The following ZC3H14 variants were observed in gnomAD, a reference collection of about 807,000 sequenced individuals.
The protein encoded by ZC3H14 is zinc finger CCCH domain-containing protein 14.
Under a neutral mutation model 92.4 loss-of-function variants are expected in ZC3H14, and 31 were observed. That is an observed-to-expected ratio of 0.34 (90% CI 0.25 to 0.45). ZC3H14 has a LOEUF of 0.45. ZC3H14 is among the 20% of genes least tolerant of loss of function. ZC3H14 has a pLI of 1.00. For missense variants in ZC3H14, 781 were observed against 897.3 expected (o/e 0.87, Z 1.66); for synonymous variants, 321 against 300.9 (o/e 1.07, Z -0.69).
rs2088102712 is a variant in ZC3H14 at position 88,618,330 on chromosome 14, A to C, written c.*6579A>C. 1 of 1,613,176 alleles carries C rather than the reference A, an allele frequency of 6.2e-7. No individual in the cohort carries two copies. Among genetic ancestry groups the C allele is most frequent in the Non-Finnish European group, 8.5e-7 (1 of 1,179,598 alleles). ...ATGCCGTTTATAGCAGCCACTAGAGACCTTTTTCATCAGATTAAAATGGGA... is the reference window on the plus strand; with the variant it reads ...ATGCCGTTTATAGCAGCCACTAGAGCCCTTTTTCATCAGATTAAAATGGGA... On this transcript the variant is annotated 3_prime_UTR_variant, in exon 17 of 17. Transcript: ENST00000251038.
In ZC3H14 at chr14:88,574,038, A is replaced by G. The variant is rs370531321; in HGVS notation, c.862-655A>G. On this transcript the variant is annotated intron_variant, in intron 6 of 16. Coordinates refer to ENST00000251038, the MANE Select transcript of ZC3H14 (RefSeq NM_024824.5). Reference sequence around the variant, plus strand: ...TGTATACCTTTTTGGGATTTCCAGCATTTGAGATATTAATCTTAAATTAAT... The same window carrying G: ...TGTATACCTTTTTGGGATTTCCAGCGTTTGAGATATTAATCTTAAATTAAT... 4.6e-5 allele frequency among the ~76,000 whole-genome samples: 7 copies of G among 152,240 alleles called. No individual in the cohort carries two copies. The South Asian group carries it at 1.0e-3, about 23-fold the overall frequency.
In ZC3H14 at chr14:88,563,454, A is replaced by G. The variant is rs2079131541; in HGVS notation, c.37-197A>G. 3 of 1,410,242 alleles carry G rather than the reference A, an allele frequency of 2.1e-6. 1 individual carries two copies. In the Admixed American group the frequency reaches 9.0e-5, roughly 43 times the overall value. 87.4% of individuals were successfully genotyped at this position (1,410,242 alleles called of 1,614,324 possible). On this transcript the variant is annotated intron_variant, in intron 1 of 16. Coordinates refer to ENST00000251038, the MANE Select transcript of ZC3H14 (RefSeq NM_024824.5). The stretch of plus-strand genomic sequence containing the variant: ...GGCGCCGCTTTGGATCCGCTGCGGG[A>G]GGTGGGCGCCGCGGGGCTGGGGCTG...
At chr14:88,589,477 C>T (rs2082845844) in intron 9 of ZC3H14, 1 of 152,148 alleles carries the variant, frequency 6.6e-6, no homozygotes, top group Admixed American at 6.6e-5. Context: ...CACTGTGACT[C>T]TCACATTTTT....
rs2087952443 is a variant in ZC3H14, at chr14:88,617,747, G to A, written c.*5996G>A. On this transcript the variant is annotated 3_prime_UTR_variant, in exon 17 of 17. Transcript: ENST00000251038. The stretch of plus-strand genomic sequence containing the variant: ...CTGCTACATCAGAGATTACAGGCAT[G>A]AGCCACTATATGCCTGGCTGATACA... 1 of 152,784 alleles carries A rather than the reference G, an allele frequency of 6.5e-6. No homozygotes were observed. The highest frequency in any genetic ancestry group is 1.5e-5 in the Non-Finnish European group (1 of 68,496). 9.5% of individuals were successfully genotyped at this position (152,784 alleles called of 1,614,324 possible).
In ZC3H14 at chr14:88,622,935, G is replaced by T; in HGVS notation, c.*11184G>T. The T allele has an allele frequency of 2.6e-6, 1 of 386,398 alleles. No individual in the cohort carries two copies. The highest frequency in any genetic ancestry group is 4.6e-6 in the Non-Finnish European group (1 of 218,692). The allele number at this position is 386,398 out of a possible 1,614,324, so 23.9% of individuals were successfully genotyped here. On this transcript the variant is annotated 3_prime_UTR_variant, in exon 17 of 17. Coordinates refer to ENST00000251038, the MANE Select transcript of ZC3H14 (RefSeq NM_024824.5). Reference sequence around the variant, plus strand: ...CCAGTTTCAGTGAATTTTATTTTGAGAAATACTCTTTTTTTCTGACATGAG... The same window carrying T: ...CCAGTTTCAGTGAATTTTATTTTGATAAATACTCTTTTTTTCTGACATGAG...
Position 88,602,853 on chromosome 14 carries a change from G to A in ZC3H14, c.1540G>A (p.Ala514Thr). ...TRDLVQPDKP[A>T]SPKFIVTLDG... ...AGATCTTGTACAACCAGATAAACCT[G>A]CAAGTCCCAAGTTTATAGTGACGCT... The change falls in exon 12 of 17, where the codon GCA becomes ACA. Residue 514 changes from alanine (A) to threonine (T), a missense_variant. Coordinates refer to ENST00000251038, the MANE Select transcript of ZC3H14 (RefSeq NM_024824.5). 6.2e-7 allele frequency: 1 copy of A among 1,614,138 alleles called. No individual in the cohort carries two copies. Among genetic ancestry groups the A allele is most frequent in the Non-Finnish European group, 8.5e-7 (1 of 1,180,014 alleles).
intron 12 of ZC3H14, 85 bp from the exon 13 acceptor site, chr14:88,607,158 C>T: frequency 1.9e-6 from 3 of 1,596,476 alleles, no homozygotes; most frequent in Non-Finnish European, 1.7e-6. Flanking sequence ...GATTCTAAGA[C>T]AGGTTTGAGG....
chr14:88,607,827 A>G (rs1419070296), intron 13 of ZC3H14, among the ~76,000 whole-genome samples: 2 of 115,294 alleles, frequency 1.7e-5, no homozygotes, highest in African/African-American at 3.4e-5. Flanking sequence ...GCCTGCAAGT[A>G]CCATCCCCCA....
chr14:88,588,142 G>A lies in ZC3H14; in HGVS notation c.1280-8592G>A, dbSNP rs28789732. ...TATCACTCTGTGCTTTGAAATCTTT[G>A]GGTTTCCCACTTTTTCTTAGGTACC... On this transcript the variant is annotated intron_variant, in intron 9 of 16. Coordinates refer to ENST00000251038, the MANE Select transcript of ZC3H14 (RefSeq NM_024824.5). Among the ~76,000 whole-genome samples, 1,103 of 151,176 alleles carry A rather than the reference G, an allele frequency of 7.3e-3. 15 individuals are homozygous for A. The highest frequency in any genetic ancestry group is 0.025 in the African/African-American group (1,046 of 41,120).
Position 88,572,222 on chromosome 14 carries a change from T to G in ZC3H14, c.428T>G (p.Val143Gly), listed in dbSNP as rs369379913. 3 of 1,614,014 alleles carry G rather than the reference T, an allele frequency of 1.9e-6. No homozygotes were observed. The highest frequency in any genetic ancestry group is 2.5e-6 in the Non-Finnish European group (3 of 1,180,014). Residue 143 changes from valine to glycine, a missense_variant, in exon 5 of 17, where the codon GTC becomes GGC. By Grantham distance (109) the Val-to-Gly change is moderately radical. This residue lies in a region of ZC3H14 where 454 missense variants were observed against 438.5 expected (regional missense o/e 1.04). Transcript: ENST00000251038. ...TCGCAGGAGTCAAAAACCACAAATGTCAGGTAAGAGTCTGGTGTAGACCTG... is the reference window on the plus strand; with the variant it reads ...TCGCAGGAGTCAAAAACCACAAATGGCAGGTAAGAGTCTGGTGTAGACCTG... ...TSSQESKTTN[V>G]RQTYDDGAAT...
intron 10 of ZC3H14, among the ~76,000 whole-genome samples, chr14:88,600,927 C>T (rs1348118509): frequency 6.6e-6 from 1 of 152,134 alleles, no homozygotes; most frequent in Admixed American, 6.5e-5. Flanking sequence ...AAGCCCCTTT[C>T]CTTCTACGTG....
chr14:88,593,695 C>T lies in ZC3H14; in HGVS notation c.1280-3039C>T, dbSNP rs140719593. Among the ~76,000 whole-genome samples, 746 of 152,064 alleles carry T rather than the reference C, an allele frequency of 4.9e-3. 2 individuals carry two copies. The highest frequency in any genetic ancestry group is 9.2e-3 in the Admixed American group (141 of 15,278). Reference sequence around the variant, plus strand: ...CACATGAAAAGAATGAAGTTGGAACCTTATCTTATGTCATAAACAAAAATA... The same window carrying T: ...CACATGAAAAGAATGAAGTTGGAACTTTATCTTATGTCATAAACAAAAATA... On this transcript the variant is annotated intron_variant, in intron 9 of 16. Coordinates refer to ENST00000251038, the MANE Select transcript of ZC3H14 (RefSeq NM_024824.5).
intron 12 of ZC3H14, among the ~76,000 whole-genome samples, chr14:88,603,450 C>G (rs1201266695): frequency 1.3e-5 from 2 of 152,208 alleles, no homozygotes; most frequent in Non-Finnish European, 2.9e-5. Context: ...AGATTTGATG[C>G]TATTTCTACC....
intron 2 of ZC3H14, among the ~76,000 whole-genome samples, chr14:88,565,950 C>G (rs927113712): frequency 6.8e-6 from 1 of 147,142 alleles, no homozygotes; most frequent in Admixed American, 6.9e-5. Context: ...TCACTGCAAC[C>G]TCCGCCTCCC....
At position 88,610,956 on chromosome 14, in the gene ZC3H14, C is replaced by A; in HGVS notation, c.2204+16C>A. 2 of 1,568,262 alleles carry A rather than the reference C, an allele frequency of 1.3e-6. No individual in the cohort carries two copies. Among genetic ancestry groups the A allele is most frequent in the African/African-American group, 1.4e-5 (1 of 73,012 alleles). Reference sequence around the variant, plus strand: ...CTCAAACCAGGTAAACATTCAAATTCGTTTTTCTCATGTCAGTTCAAATTC... The same window carrying A: ...CTCAAACCAGGTAAACATTCAAATTAGTTTTTCTCATGTCAGTTCAAATTC... On this transcript the variant is annotated intron_variant, in intron 16 of 16. Coordinates refer to ENST00000251038, the MANE Select transcript of ZC3H14 (RefSeq NM_024824.5).
At position 88,616,486 on chromosome 14, in the gene ZC3H14, C is replaced by T. The variant is rs1029579344; in HGVS notation, c.*4735C>T. ...AGGAAAAGCATTTGAAATTTGATAACTGATTATAGGTTTGGTGAAAAGCTA... is the reference window on the plus strand; with the variant it reads ...AGGAAAAGCATTTGAAATTTGATAATTGATTATAGGTTTGGTGAAAAGCTA... On this transcript the variant is annotated 3_prime_UTR_variant, in exon 17 of 17. Transcript: ENST00000251038. 12 of 604,180 alleles carry T rather than the reference C, an allele frequency of 2.0e-5. No homozygotes were observed. Among genetic ancestry groups the T allele is most frequent in the Non-Finnish European group, 2.9e-5 (10 of 350,078 alleles). The allele number at this position is 604,180 out of a possible 1,614,324, so 37.4% of individuals were successfully genotyped here.
chr14:88,618,953 C>G lies in ZC3H14; in HGVS notation c.*7202C>G. On this transcript the variant is annotated 3_prime_UTR_variant, in exon 17 of 17. Transcript: ENST00000251038. ...GATTTACCTGTCAGACACAACTGAT[C>G]ATGTATACTGAGATTGTCTGGGTTA... 1 of 707,390 alleles carries G rather than the reference C, an allele frequency of 1.4e-6. No homozygotes were observed. Among genetic ancestry groups the G allele is most frequent in the East Asian group, 2.8e-5 (1 of 35,886 alleles). The allele number at this position is 707,390 out of a possible 1,614,324, so 43.8% of individuals were successfully genotyped here.
chr14:88,582,691 A>G lies in ZC3H14; in HGVS notation c.1279+4551A>G, dbSNP rs556834595. ...AAGCTATATGTTTGTGTGGTTTTCT[A>G]TACTGTGTTTTAAAAGGGGATAATT... On this transcript the variant is annotated intron_variant, in intron 9 of 16. Transcript: ENST00000251038. 2.7e-4 allele frequency among the ~76,000 whole-genome samples: 41 copies of G among 152,268 alleles called. No homozygotes were observed. The South Asian group carries it at 8.1e-3, about 30-fold the overall frequency.
At chr14:88,579,662 A>G (rs562017484) in intron 9 of ZC3H14, among the ~76,000 whole-genome samples, 1 of 152,344 alleles carries the variant, frequency 6.6e-6, no homozygotes, top group East Asian at 1.9e-4. Context: ...TTAACATCAC[A>G]AAATCAACAG....
Sources: gnomAD v4.1 joint callset for allele counts (sites outside exome capture counted in the v4.1 genomes callset) on GRCh38, gnomAD v4.1.1 for gene constraint, gnomAD v4.1.1 regional missense constraint, MANE v1.5 for transcripts, NCBI Gene and HGNC (gene_info 2026-07-23, HGNC 2026-07-21) for gene names.